The following TCTN1 variants were observed in gnomAD, a reference collection of about 807,000 sequenced individuals.
TCTN1 encodes tectonic-1.
Under a neutral mutation model 65.8 loss-of-function variants are expected in TCTN1, and 58 were observed. The ratio of observed to expected loss-of-function variants is 0.88; its 90% CI spans 0.71 to 1.10. The LOEUF is 1.10. TCTN1 is among the 50% of genes least tolerant of loss of function. The pLI is 0.00. For missense variants in TCTN1, 645 were observed against 719.4 expected (o/e 0.90, Z 1.18); for synonymous variants, 273 against 289.1 (o/e 0.94, Z 0.57).
rs1321807749 is a variant in TCTN1, at chr12:110,616,377, G to A, written c.220+1975G>A. On this transcript the variant is annotated intron_variant, in intron 1 of 14. Coordinates refer to ENST00000397659, the MANE Select transcript of TCTN1 (RefSeq NM_001082538.3). ...GGTGATCTTCCCACCTCAGACTCCC[G>A]GGTAGCTGGAACTACAGGTGCTGCA... 2.0e-4 allele frequency: 67 copies of A among 340,080 alleles called. 1 individual carries two copies. The highest frequency in any genetic ancestry group is 6.2e-5 in the Non-Finnish European group (10 of 162,310). 21.1% of individuals were successfully genotyped at this position (340,080 alleles called of 1,614,324 possible).
intron 3 of TCTN1, chr12:110,628,100 G>A (rs1246972815): frequency 5.9e-6 from 9 of 1,535,876 alleles, no homozygotes; most frequent in East Asian, 4.9e-5. Flanking sequence ...AGTAGAAGTC[G>A]GATTCTTTCA....
intron 4 of TCTN1, chr12:110,630,277 T>A (rs940976298): frequency 2.0e-5 from 3 of 152,216 alleles, no homozygotes; most frequent in African/African-American, 7.2e-5. Context: ...TAAGGTTGTT[T>A]ATTCTGTGAT....
intron 1 of TCTN1, among the ~76,000 whole-genome samples, chr12:110,618,352 C>G (rs898104605): frequency 2.0e-5 from 3 of 151,624 alleles, no homozygotes; most frequent in Non-Finnish European, 4.4e-5. Context: ...GCCATTCTCC[C>G]GCCTCAGCCT....
chr12:110,615,602 T>A (rs2064983156), intron 1 of TCTN1, among the ~76,000 whole-genome samples: 2 of 152,168 alleles, frequency 1.3e-5, no homozygotes, highest in African/African-American at 2.4e-5. Context: ...TGCCTCAGCC[T>A]CCAGAGTAGC....
At chr12:110,630,231 A>C (rs2136022431) in intron 4 of TCTN1, 1 of 152,290 alleles carries the variant, frequency 6.6e-6, no homozygotes, top group East Asian at 1.9e-4. Context: ...TAATAATAAA[A>C]ATAAAACTGA....
In TCTN1 at chr12:110,614,276, A is replaced by T. The variant is rs1413473977; in HGVS notation, c.94A>T (p.Thr32Ser). The change falls in exon 1 of 15, where the codon ACA becomes TCA. Residue 32 changes from threonine (T) to serine (S), a missense_variant. By Grantham distance (58) the Thr-to-Ser change is moderately conservative (BLOSUM62 1). Transcript: ENST00000397659. ...AQTDATPAVT[T>S]EGLNSTEAAL... Reference sequence around the variant, plus strand: ...GACCGATGCCACCCCGGCGGTGACGACAGAGGGCCTCAACTCCACCGAGGC... The same window carrying T: ...GACCGATGCCACCCCGGCGGTGACGTCAGAGGGCCTCAACTCCACCGAGGC... 2 of 1,596,416 alleles carry T rather than the reference A, an allele frequency of 1.3e-6. No individual in the cohort carries two copies. The highest frequency in any genetic ancestry group is 2.7e-5 in the African/African-American group (2 of 74,746).
intron 7 of TCTN1, 130 bp downstream of exon 7, chr12:110,636,631 C>T: frequency 1.7e-6 from 1 of 587,160 alleles, no homozygotes; most frequent in Non-Finnish European, 2.9e-6. Context: ...AATACATTTG[C>T]CAAAAAGCAA....
intron 5 of TCTN1, among the ~76,000 whole-genome samples, chr12:110,634,084 G>T (rs2066400753): frequency 6.6e-6 from 1 of 152,076 alleles, no homozygotes; most frequent in Admixed American, 6.6e-5. Flanking sequence ...CAATCTCCAA[G>T]ATATATTGTT....
intron 1 of TCTN1, among the ~76,000 whole-genome samples, chr12:110,617,163 G>A (rs577153130): frequency 1.2e-4 from 19 of 152,208 alleles, no homozygotes; most frequent in South Asian, 2.1e-4. Flanking sequence ...TTACATTAGC[G>A]TGCATAAGTT....
intron 6 of TCTN1, 75 bp from the exon 7 acceptor site, chr12:110,636,406 G>A (rs1245565931): frequency 7.8e-6 from 8 of 1,025,142 alleles, no homozygotes; most frequent in Non-Finnish European, 1.2e-5. Flanking sequence ...TCTTCAACTC[G>A]AGATCTGAAA....
At chr12:110,641,469 G>A in intron 9 of TCTN1, 73 bp from the exon 10 acceptor site, 1 of 1,411,754 alleles carries the variant, frequency 7.1e-7, no homozygotes, top group Non-Finnish European at 1.0e-6. Flanking sequence ...TATTATGAAA[G>A]AAGAATTTTT....
At chr12:110,615,298 C>T (rs1475752791) in intron 1 of TCTN1, among the ~76,000 whole-genome samples, 3 of 152,142 alleles carry the variant, frequency 2.0e-5, no homozygotes, top group African/African-American at 7.2e-5. Context: ...GATGACTTCA[C>T]TGAATGACTG....
At chr12:110,628,677 A>G (rs1055517218) in intron 3 of TCTN1, 90 bp from the exon 4 acceptor site, 17 of 1,148,586 alleles carry the variant, frequency 1.5e-5, no homozygotes, top group Non-Finnish European at 2.0e-5. Context: ...CCTTGATGCT[A>G]TTAAAAACTT....
chr12:110,637,789 C>T (rs1292242014), intron 7 of TCTN1, among the ~76,000 whole-genome samples: 1 of 152,226 alleles, frequency 6.6e-6, no homozygotes, highest in Admixed American at 6.5e-5. Flanking sequence ...AAAACTGGAA[C>T]CGTCTGTGGG....
In TCTN1 at chr12:110,641,139, A is replaced by G. The variant is rs760063017; in HGVS notation, c.1094A>G (p.His365Arg). 6.2e-6 allele frequency: 10 copies of G among 1,614,038 alleles called. No homozygotes were observed. Among genetic ancestry groups the G allele is most frequent in the East Asian group, 2.2e-5 (1 of 44,894 alleles). ...VVPLQQKFEI[H>R]FLQENTQPVP... ...CCACTGCAGCAAAAGTTTGAAATTC[A>G]TTTTCTTCAGGTAAGGTTGATCAAT... The change falls in exon 9 of 15, where the codon CAT becomes CGT. Residue 365 changes from histidine to arginine, a missense_variant. Transcript: ENST00000397659.
chr12:110,615,715 C>T lies in TCTN1; in HGVS notation c.220+1313C>T, dbSNP rs570488261. Among the ~76,000 whole-genome samples the T allele has an allele frequency of 1.2e-3, 186 of 152,276 alleles. 1 individual carries two copies. The highest frequency in any genetic ancestry group is 4.3e-3 in the African/African-American group (180 of 41,562). ...TTCAGGCTGATCTCAAACTCCTGGG[C>T]TCAAGTGATCCTCCCACCTTGGCCT... On this transcript the variant is annotated intron_variant, in intron 1 of 14. Coordinates refer to ENST00000397659, the MANE Select transcript of TCTN1 (RefSeq NM_001082538.3).
In TCTN1 at chr12:110,636,443, G is replaced by T. The variant is rs1338091241; in HGVS notation, c.823-38G>T. 5.3e-6 allele frequency: 7 copies of T among 1,325,992 alleles called. No homozygotes were observed. The Admixed American group carries it at 8.7e-5, about 17-fold the overall frequency. 82.1% of individuals were successfully genotyped at this position (1,325,992 alleles called of 1,614,324 possible). On this transcript the variant is annotated intron_variant, in intron 6 of 14. Transcript: ENST00000397659. ...AGCAATGAAAATACTTCTTTTTGTT[G>T]TACTTAACACAATTTTTTGTGGTTT...
At chr12:110,615,874 A>G (rs902960595) in intron 1 of TCTN1, among the ~76,000 whole-genome samples, 1 of 152,222 alleles carries the variant, frequency 6.6e-6, no homozygotes, top group Non-Finnish European at 1.5e-5. Context: ...GAACTCTAGG[A>G]CTTAACTGCG....
At chr12:110,634,557 G>T in intron 5 of TCTN1, 113 bp from the exon 6 acceptor site, 1 of 811,490 alleles carries the variant, frequency 1.2e-6, no homozygotes, top group Middle Eastern at 3.5e-4. Context: ...TATCTGTGTT[G>T]TAACTTATTT....
Sources: allele counts gnomAD v4.1 joint callset (sites outside exome capture counted in the v4.1 genomes callset), GRCh38; gene constraint gnomAD v4.1.1; transcripts MANE v1.5; gene names NCBI Gene and HGNC (gene_info 2026-07-23, HGNC 2026-07-21).